The following USP22 variants were observed in gnomAD, a reference collection of about 807,000 sequenced individuals.
USP22 encodes the protein ubiquitin specific peptidase 22, also known as ubiquitin carboxyl-terminal hydrolase 22.
A neutral mutation model predicts 68.1 loss-of-function variants in USP22; 22 were observed. The ratio of observed to expected loss-of-function variants is 0.32; its 90% confidence interval spans 0.23 to 0.46. USP22 has a LOEUF of 0.46. Among genes scored for constraint, USP22 ranks in the 20% least tolerant of loss-of-function variants. The pLI, the probability that USP22 is intolerant of heterozygous loss-of-function variation, is 1.00. For synonymous variants in USP22, 279 were observed against 274.2 expected (o/e 1.02, Z -0.17); for missense variants, 433 against 695.8 (o/e 0.62, Z 4.25).
chr17:21,017,625 G>A (rs1228871099), intron 5 of USP22, among the ~76,000 whole-genome samples: 1 of 152,164 alleles, frequency 6.6e-6, no homozygotes, highest in East Asian at 1.9e-4. Context: ...GAGCCAGGAA[G>A]GTAGACCATG....
In USP22 at chr17:21,002,768, G is replaced by GT; in HGVS notation, c.*262dup. The GT allele has an allele frequency of 2.3e-6, 1 of 440,102 alleles. No individual in the cohort carries two copies. Among genetic ancestry groups the GT allele is most frequent in the Non-Finnish European group, 4.3e-6 (1 of 234,864 alleles). 27.3% of individuals were successfully genotyped at this position (440,102 alleles called of 1,614,324 possible). On this transcript the variant is annotated 3_prime_UTR_variant, in exon 13 of 13. Coordinates refer to ENST00000261497, the MANE Select transcript of USP22 (RefSeq NM_015276.2). ...ATGTCATGACACAAGAGATGTTCTGGTGACGGGTGTACGCTGCTCCTCCCA... is the reference window on the plus strand; with the variant it reads ...ATGTCATGACACAAGAGATGTTCTGGTTGACGGGTGTACGCTGCTCCTCCCA...
intron 4 of USP22, chr17:21,018,339 T>C (rs1178859369): frequency 2.3e-6 from 1 of 436,052 alleles, no homozygotes; most frequent in East Asian, 3.9e-5. Flanking sequence ...CATTGTATGC[T>C]TTGACAGAAT....
At chr17:21,020,185 A>G (rs954309178) in intron 3 of USP22, among the ~76,000 whole-genome samples, 1 of 139,414 alleles carries the variant, frequency 7.2e-6, no homozygotes, top group Admixed American at 7.8e-5. Flanking sequence ...GGTAAACCAC[A>G]CCTGTCACTA....
In USP22 at chr17:21,021,112, C is replaced by T; in HGVS notation, c.418+1G>A. On this transcript the variant is annotated splice_donor_variant, in intron 3 of 12. Transcript: ENST00000261497. LOFTEE classifies it high-confidence loss of function. Reference sequence around the variant, plus strand: ...GCAGGTAAACTGAGGTGGAACCAAACCTTGCATTTTCCAAGCTTTTCGCTG... The same window carrying T: ...GCAGGTAAACTGAGGTGGAACCAAATCTTGCATTTTCCAAGCTTTTCGCTG... 6.2e-7 allele frequency: 1 copy of T among 1,612,868 alleles called. No homozygotes were observed. Among genetic ancestry groups the T allele is most frequent in the Non-Finnish European group, 8.5e-7 (1 of 1,178,848 alleles).
At chr17:21,035,801 C>T (rs1005826443) in intron 1 of USP22, among the ~76,000 whole-genome samples, 1 of 152,024 alleles carries the variant, frequency 6.6e-6, no homozygotes, top group African/African-American at 2.4e-5. Flanking sequence ...GAGGCTGAGG[C>T]AGACAGATCA....
In USP22 at chr17:21,031,577, TCCATTATA is replaced by T. The variant is rs1423667038; in HGVS notation, c.172-2911_172-2904del. On this transcript the variant is annotated intron_variant, in intron 1 of 12. Coordinates refer to ENST00000261497, the MANE Select transcript of USP22 (RefSeq NM_015276.2). ...CACAACCTAGGACTGTGCTACACAC[TCCATTATA>T]GTCTCTCTCTACTACACAACCTAGG... 4.0e-3 allele frequency among the ~76,000 whole-genome samples: 591 copies of T among 147,806 alleles called. 1 individual carries two copies. The highest frequency in any genetic ancestry group is 0.014 in the African/African-American group (546 of 38,996).
At chr17:21,021,987 C>T (rs1972161716) in intron 2 of USP22, among the ~76,000 whole-genome samples, 1 of 152,108 alleles carries the variant, frequency 6.6e-6, no homozygotes, top group Admixed American at 6.6e-5. Context: ...GTAACCCCAG[C>T]TATTCGGGGA....
intron 3 of USP22, among the ~76,000 whole-genome samples, chr17:21,019,400 C>T (rs1305879228): frequency 1.3e-5 from 2 of 152,206 alleles, no homozygotes; most frequent in Non-Finnish European, 2.9e-5. Flanking sequence ...ATGTGAGCTA[C>T]GTTTCCTGCA....
At chr17:21,015,442 G>A (rs1035033536) in intron 6 of USP22, among the ~76,000 whole-genome samples, 2 of 152,148 alleles carry the variant, frequency 1.3e-5, no homozygotes, top group Non-Finnish European at 2.9e-5. Context: ...AAATGCCAGG[G>A]CAGGCAGGGG....
In USP22 at chr17:21,002,208, G is replaced by A. The variant is rs1311754314; in HGVS notation, c.*823C>T. On this transcript the variant is annotated 3_prime_UTR_variant, in exon 13 of 13. Coordinates refer to ENST00000261497, the MANE Select transcript of USP22 (RefSeq NM_015276.2). ...CCAGCAGACACCAAGGCACCCAGAG[G>A]AGCCAGGCACACAGGGCGGGCAGCA... is the stretch of plus-strand genomic sequence containing the variant. The A allele has an allele frequency of 1.3e-5, 2 of 152,258 alleles. No individual in the cohort carries two copies. Among genetic ancestry groups the A allele is most frequent in the East Asian group, 1.9e-4 (1 of 5,198 alleles). 9.4% of individuals were successfully genotyped at this position (152,258 alleles called of 1,614,324 possible). A position where few individuals can be genotyped will look rare whatever the true frequency, so the allele number is the denominator to read the frequency against.
rs1913607791 is a variant in USP22 at position 21,002,220 on chromosome 17, C to G, written c.*811G>C. On this transcript the variant is annotated 3_prime_UTR_variant, in exon 13 of 13. Coordinates refer to ENST00000261497, the MANE Select transcript of USP22 (RefSeq NM_015276.2). ...AAGGCACCCAGAGGAGCCAGGCACACAGGGCGGGCAGCAACATAAACGGCA... is the reference window on the plus strand; with the variant it reads ...AAGGCACCCAGAGGAGCCAGGCACAGAGGGCGGGCAGCAACATAAACGGCA... 2 of 152,288 alleles carry G rather than the reference C, an allele frequency of 1.3e-5. No individual in the cohort carries two copies. The highest frequency in any genetic ancestry group is 4.8e-5 in the African/African-American group (2 of 41,462). The allele number at this position is 152,288 out of a possible 1,614,324, so 9.4% of individuals were successfully genotyped here.
At chr17:21,017,531 A>T (rs1343991314) in intron 5 of USP22, among the ~76,000 whole-genome samples, 1 of 152,236 alleles carries the variant, frequency 6.6e-6, no homozygotes, top group Admixed American at 6.5e-5. Flanking sequence ...AGAGGCTCTG[A>T]TGGGGCATGC....
chr17:21,020,153 CA>C (rs2143578318), intron 3 of USP22, among the ~76,000 whole-genome samples: 1 of 144,140 alleles, frequency 6.9e-6, no homozygotes, highest in South Asian at 2.2e-4. Flanking sequence ...CCAGGGAGAT[CA>C]GATGCTCACC....
chr17:21,037,235 T>C (rs1011735185), intron 1 of USP22, among the ~76,000 whole-genome samples: 3 of 152,194 alleles, frequency 2.0e-5, no homozygotes, highest in Admixed American at 6.5e-5. Flanking sequence ...AAATCTTCCA[T>C]ACATAAACGT....
intron 9 of USP22, among the ~76,000 whole-genome samples, chr17:21,007,521 G>A (rs4985959): frequency 0.44 from 66,343 of 152,082 alleles, 16,526 homozygotes; most frequent in South Asian, 0.57. Context: ...GCCAACTCCT[G>A]GACCAGATCT....
rs751122870 is a variant in USP22, at chr17:21,004,176, C to G, written c.1535+26G>C. 2.5e-6 allele frequency: 4 copies of G among 1,610,688 alleles called. No individual in the cohort carries two copies. The Admixed American group carries it at 6.7e-5, about 27-fold the overall frequency. On this transcript the variant is annotated intron_variant, in intron 12 of 12. Transcript: ENST00000261497. Reference sequence around the variant, plus strand: ...GGGAAGCACCGTAGCCACCGTAGGGCCTTCCTCCCACCCCACAGGACGCAC... The same window carrying G: ...GGGAAGCACCGTAGCCACCGTAGGGGCTTCCTCCCACCCCACAGGACGCAC...
At chr17:21,020,271 GAAA>G (rs1159354614) in intron 3 of USP22, among the ~76,000 whole-genome samples, 1 of 97,510 alleles carries the variant, frequency 1.0e-5, no homozygotes, top group Non-Finnish European at 2.3e-5. Context: ...AAAAAAAAAG[GAAA>G]AAAAACTCAG....
At chr17:21,003,967 G>A (rs1215551954) in intron 12 of USP22, among the ~76,000 whole-genome samples, 4 of 151,492 alleles carry the variant, frequency 2.6e-5, no homozygotes, top group Non-Finnish European at 4.4e-5. Flanking sequence ...CAACTGCTCT[G>A]ACGTTCTCTG....
intron 1 of USP22, among the ~76,000 whole-genome samples, chr17:21,038,959 TTTC>T (rs1461862573): frequency 6.6e-6 from 1 of 152,066 alleles, no homozygotes; most frequent in East Asian, 1.9e-4. Flanking sequence ...AAATAGTTTT[TTTC>T]TTTTTTTTTG....
Sources: allele counts gnomAD v4.1 joint callset (sites outside exome capture counted in the v4.1 genomes callset), GRCh38; gene constraint gnomAD v4.1.1; transcripts MANE v1.5; gene names NCBI Gene and HGNC (gene_info 2026-07-23, HGNC 2026-07-21).